Variants in DVL1 observed in about 807,000 individuals in gnomAD.
The protein encoded by DVL1 is dishevelled segment polarity protein 1.
In DVL1, 49 loss-of-function variants were observed where a neutral mutation model predicts 65.0. That is an observed-to-expected ratio of 0.75 (90% CI 0.60 to 0.96). The LOEUF (loss-of-function observed/expected upper bound fraction) is 0.96, where lower values mean the gene tolerates loss of function less well. Ranked by LOEUF, DVL1 falls within the 40% of genes least tolerant of loss-of-function variation. DVL1 has a pLI of 0.00. For synonymous variants in DVL1, 608 were observed against 433.9 expected (o/e 1.40, Z -4.99); for missense variants, 1,197 against 1,045.4 (o/e 1.15, Z -2.00).
At chr1:1,337,470 G>A (rs902144038) in intron 14 of DVL1, among the ~76,000 whole-genome samples, 1 of 152,206 alleles carries the variant, frequency 6.6e-6, no homozygotes, top group African/African-American at 2.4e-5. Flanking sequence ...CCGGGCTGCA[G>A]CTGCCACCCT....
In DVL1 at chr1:1,336,281, G is replaced by A. The variant is rs750475116; in HGVS notation, c.1949C>T (p.Ala650Val). Residue 650 changes from alanine to valine, a missense_variant, in exon 15 of 15, where the codon GCC becomes GTC. Ala to Val is a moderately conservative substitution (Grantham distance 64). Coordinates refer to ENST00000378888, the MANE Select transcript of DVL1 (RefSeq NM_001330311.2). Reference sequence around the variant, plus strand: ...GGGTGGCCCCCCCACCACTGTATAGGCCTTGGTCGTGGGGTGGGGCGGGGG... The same window carrying A: ...GGGTGGCCCCCCCACCACTGTATAGACCTTGGTCGTGGGGTGGGGCGGGGG... The part of the protein sequence containing the change: ...GLPPPHPTTK[A>V]YTVVGGPPGG... The A allele has an allele frequency of 1.5e-5, 24 of 1,564,146 alleles. No homozygotes were observed. Among genetic ancestry groups the A allele is most frequent in the Non-Finnish European group, 2.1e-5 (24 of 1,161,120 alleles).
intron 1 of DVL1, among the ~76,000 whole-genome samples, chr1:1,344,518 C>T (rs1221608258): frequency 1.3e-5 from 2 of 152,162 alleles, no homozygotes; most frequent in Admixed American, 1.3e-4. Context: ...AGGGCCAGCC[C>T]AGGTGGGAGC....
chr1:1,338,701 G>A (rs758566080), intron 11 of DVL1, 48 bp from the exon 12 acceptor site: 349 of 1,585,552 alleles, frequency 2.2e-4, no homozygotes, highest in Non-Finnish European at 2.9e-4. Context: ...CTGAAGGCGG[G>A]GGACTCAGGG....
Position 1,341,685 on chromosome 1 carries a change from T to G in DVL1, c.587A>C (p.Glu196Ala), listed in dbSNP as rs765516656. 101 of 1,606,240 alleles carry G rather than the reference T, an allele frequency of 6.3e-5. No individual in the cohort carries two copies. The highest frequency in any genetic ancestry group is 8.5e-5 in the Non-Finnish European group (100 of 1,174,502). ...CACACACCTGCTCGTGCTGCCATCC[T>G]CGTCCGAGTCCACAAAGCTGCTGGA... is the stretch of plus-strand genomic sequence containing the variant. ...LESSSFVDSD[E>A]DGSTSRLSSS... Residue 196 changes from glutamate (E) to alanine (A), a missense_variant, in exon 5 of 15, where the codon GAG becomes GCG. Coordinates refer to ENST00000378888, the MANE Select transcript of DVL1 (RefSeq NM_001330311.2).
At chr1:1,339,161 G>T (rs307367) in intron 11 of DVL1, 126 bp downstream of exon 11, 20 of 1,309,666 alleles carry the variant, frequency 1.5e-5, no homozygotes, top group Non-Finnish European at 2.1e-5. Context: ...TGTGCAGGGA[G>T]TTGGGGACAG....
rs781640773 is a variant in DVL1, at chr1:1,340,490, T to C, written c.619A>G (p.Thr207Ala). 3.1e-6 allele frequency: 5 copies of C among 1,606,028 alleles called. No homozygotes were observed. The South Asian group carries it at 4.5e-5, about 14-fold the overall frequency. ...AGTCTGGATGAGGTGCTCTGCTCCG[T>C]GGAGCTGCTGAGCCTGGGAACAGAC... Reference protein sequence around the residue: ...DGSTSRLSSSTEQSTSSRLIR... With the variant: ...DGSTSRLSSSAEQSTSSRLIR... Residue 207 changes from threonine (T) to alanine (A), a missense_variant, in exon 6 of 15, where the codon ACG (threonine) becomes GCG (alanine). Physicochemically the swap from Thr to Ala is moderately conservative, Grantham distance 58. Transcript: ENST00000378888.
At chr1:1,345,214 TCCA>T (rs2100764604) in intron 1 of DVL1, among the ~76,000 whole-genome samples, 1 of 152,082 alleles carries the variant, frequency 6.6e-6, no homozygotes, top group East Asian at 1.9e-4. Flanking sequence ...CTCACAGATG[TCCA>T]GCCAGGACCC....
chr1:1,347,906 C>A (rs1352693307), intron 1 of DVL1, among the ~76,000 whole-genome samples: 1 of 152,172 alleles, frequency 6.6e-6, no homozygotes, highest in African/African-American at 2.4e-5. Context: ...TCCCTTGGGC[C>A]CCCCTGAGAG....
intron 14 of DVL1, 92 bp downstream of exon 14, chr1:1,337,885 G>A (rs774149938): frequency 2.5e-5 from 24 of 977,968 alleles, no homozygotes; most frequent in Admixed American, 1.6e-4. Context: ...GAGCAGCAGC[G>A]GGGTGGGGTG....
chr1:1,341,414 CA>C (rs762376042), intron 5 of DVL1, among the ~76,000 whole-genome samples: 2 of 152,090 alleles, frequency 1.3e-5, no homozygotes, highest in African/African-American at 2.4e-5. Flanking sequence ...CACAAGCAGA[CA>C]CGTGCATCAT....
rs767693916 is a variant in DVL1, at chr1:1,341,855, T to C, written c.467-50A>G. The C allele has an allele frequency of 1.2e-4, 179 of 1,522,592 alleles. 7 individuals are homozygous for C. In the South Asian group the frequency reaches 2.2e-3, roughly 18 times the overall value. 94.3% of individuals were successfully genotyped at this position (1,522,592 alleles called of 1,614,324 possible). ...TGACTGCAGGGTCTCCCAGAGGTCA[T>C]GGGTTTGGGGCTGCCTGGGCAGTGC... On this transcript the variant is annotated intron_variant, in intron 4 of 14. Coordinates refer to ENST00000378888, the MANE Select transcript of DVL1 (RefSeq NM_001330311.2).
rs756494911 is a variant in DVL1, at chr1:1,338,129, G to A, written c.1562C>T (p.Thr521Met). The change falls in exon 14 of 15, where the codon ACG becomes ATG. Residue 521 changes from threonine to methionine, a missense_variant. Transcript: ENST00000378888. ...AGCCGGGTGGGGCAGCGGGGCCAGCGTGTCCTGATCCGAAGTCCCACTGGA... is the reference window on the plus strand; with the variant it reads ...AGCCGGGTGGGGCAGCGGGGCCAGCATGTCCTGATCCGAAGTCCCACTGGA... ...SGSSGTSDQDTLAPLPHPAAP... is the reference protein window; with the variant it reads ...SGSSGTSDQDMLAPLPHPAAP... 12 of 1,609,350 alleles carry A rather than the reference G, an allele frequency of 7.5e-6. No individual in the cohort carries two copies. The highest frequency in any genetic ancestry group is 2.7e-5 in the African/African-American group (2 of 74,854).
At chr1:1,337,824 C>A (rs1220070176) in intron 14 of DVL1, 153 bp downstream of exon 14, 1 of 738,348 alleles carries the variant, frequency 1.4e-6, no homozygotes, top group African/African-American at 1.7e-5. Flanking sequence ...GGATTGGGGT[C>A]AGCAGAGAAG....
rs753086849 is a variant in DVL1 at position 1,342,172 on chromosome 1, A to T, written c.363-16T>A. ...CACATTTGGGCTGTGCAACAAGAGC[A>T]GGGTGGGTGGGGAGGCCGTGGCCCC... On this transcript the variant is annotated splice_polypyrimidine_tract_variant and intron_variant, in intron 3 of 14. Transcript: ENST00000378888. 13 of 1,547,642 alleles carry T rather than the reference A, an allele frequency of 8.4e-6. No homozygotes were observed. The highest frequency in any genetic ancestry group is 3.4e-4 in the Middle Eastern group (2 of 5,898).
intron 5 of DVL1, among the ~76,000 whole-genome samples, chr1:1,340,757 C>T (rs1233373522): frequency 6.6e-6 from 1 of 151,896 alleles, no homozygotes; most frequent in Non-Finnish European, 1.5e-5. Context: ...CACACATGCA[C>T]ACCTGCACAC....
At chr1:1,341,594 A>ACACG (rs36106731) in intron 5 of DVL1, 73 bp downstream of exon 5, 2 of 1,376,836 alleles carry the variant, frequency 1.5e-6, no homozygotes. Context: ...CCTCATGCAG[A>ACACG]CACATGCACA....
At chr1:1,340,372 G>C in intron 6 of DVL1, 38 bp downstream of exon 6, 1 of 1,612,946 alleles carries the variant, frequency 6.2e-7, no homozygotes, top group Non-Finnish European at 8.5e-7. Flanking sequence ...CACTGACTTC[G>C]CCTCCCCAGC....
rs920916181 is a variant in DVL1, at chr1:1,335,491, C to T, written c.*651G>A. 2.6e-5 allele frequency: 4 copies of T among 154,210 alleles called. No homozygotes were observed. The highest frequency in any genetic ancestry group is 3.8e-4 in the East Asian group (2 of 5,200). 9.6% of individuals were successfully genotyped at this position (154,210 alleles called of 1,614,324 possible). ...GACTGCCCATCTCCCCAAGACCTCC[C>T]TCCCTGTGGCAGCTGTGCACATCGG... On this transcript the variant is annotated 3_prime_UTR_variant, in exon 15 of 15. Coordinates refer to ENST00000378888, the MANE Select transcript of DVL1 (RefSeq NM_001330311.2).
chr1:1,344,062 G>A (rs747532865), intron 1 of DVL1, among the ~76,000 whole-genome samples: 1 of 152,134 alleles, frequency 6.6e-6, no homozygotes, highest in African/African-American at 2.4e-5. Context: ...CAGAGGGGAT[G>A]GCTGGGCAGG....
Sources: allele counts gnomAD v4.1 joint callset (sites outside exome capture counted in the v4.1 genomes callset), GRCh38; gene constraint gnomAD v4.1.1; transcripts MANE v1.5; gene names NCBI Gene and HGNC (gene_info 2026-07-23, HGNC 2026-07-21).